Variants in CNTN5 observed in about 807,000 individuals in gnomAD.
The protein encoded by CNTN5 is contactin 5, also known as contactin-5.
Under a neutral mutation model 129.1 loss-of-function variants are expected in CNTN5, and 77 were observed. The ratio of observed to expected loss-of-function variants is 0.60; its 90% CI spans 0.50 to 0.72. CNTN5 has a LOEUF of 0.72. CNTN5 is among the 30% of genes least tolerant of loss of function. CNTN5 has a pLI of 0.00. For synonymous variants in CNTN5, 509 were observed against 465.6 expected (o/e 1.09, Z -1.20); for missense variants, 1,478 against 1,328.8 (o/e 1.11, Z -1.75).
In CNTN5 at chr11:99,819,724, C is replaced by T. The variant is rs1432462696; in HGVS notation, c.236C>T (p.Pro79Leu). ...GGGGCAGCTCAGAATTATTATTCCCCCATCAATCTTTATCATTCCTCAGAT... is the reference window on the plus strand; with the variant it reads ...GGGGCAGCTCAGAATTATTATTCCCTCATCAATCTTTATCATTCCTCAGAT... ...WLGAAQNYYS[P>L]INLYHSSDAF... is the part of the protein sequence containing the mutation. Residue 79 changes from proline (P) to leucine (L), a missense_variant, in exon 4 of 25, where the codon CCC becomes CTC. Physicochemically the swap from Pro to Leu is moderately conservative, Grantham distance 98. Transcript: ENST00000524871. 1.2e-6 allele frequency: 2 copies of T among 1,610,684 alleles called. No homozygotes were observed. The highest frequency in any genetic ancestry group is 1.7e-5 in the Admixed American group (1 of 59,342).
intron 13 of CNTN5, among the ~76,000 whole-genome samples, chr11:100,087,648 C>T (rs1223015976): frequency 6.6e-6 from 1 of 151,938 alleles, no homozygotes; most frequent in Non-Finnish European, 1.5e-5. Context: ...TACTTCTAGA[C>T]CTGCAAAAAG....
chr11:100,191,073 T>G, intron 13 of CNTN5, 53 bp from the exon 14 acceptor site: 1 of 1,297,946 alleles, frequency 7.7e-7, no homozygotes, highest in Non-Finnish European at 1.1e-6. Context: ...GTTCTTACTA[T>G]TTAGCTGATT....
intron 2 of CNTN5, among the ~76,000 whole-genome samples, chr11:99,339,238 T>C (rs1011629922): frequency 1.3e-5 from 2 of 152,056 alleles, no homozygotes; most frequent in Non-Finnish European, 2.9e-5. Flanking sequence ...CTTTCTAGTA[T>C]GAAAATAAAG....
At chr11:99,909,085 T>G (rs1371648641) in intron 6 of CNTN5, among the ~76,000 whole-genome samples, 1 of 152,118 alleles carries the variant, frequency 6.6e-6, no homozygotes, top group East Asian at 1.9e-4. Flanking sequence ...TATCTTCATA[T>G]AATGGATGTT....
At chr11:99,630,867 A>G (rs1951322191) in intron 3 of CNTN5, among the ~76,000 whole-genome samples, 1 of 152,110 alleles carries the variant, frequency 6.6e-6, no homozygotes, top group African/African-American at 2.4e-5. Flanking sequence ...TTGGAGATAA[A>G]TTAGCTTTAT....
chr11:99,827,942 G>T (rs1024591485), intron 4 of CNTN5, among the ~76,000 whole-genome samples: 3 of 152,130 alleles, frequency 2.0e-5, no homozygotes, highest in Non-Finnish European at 4.4e-5. Context: ...AAACAGAGAT[G>T]TACTTTTTAC....
intron 3 of CNTN5, among the ~76,000 whole-genome samples, chr11:99,721,163 A>G (rs963061428): frequency 2.6e-5 from 4 of 152,202 alleles, no homozygotes; most frequent in African/African-American, 4.8e-5. Context: ...GGAACCAAAA[A>G]GAGCCCGAGT....
chr11:99,324,933 A>G (rs1865720403), intron 1 of CNTN5, among the ~76,000 whole-genome samples: 1 of 152,102 alleles, frequency 6.6e-6, no homozygotes, highest in African/African-American at 2.4e-5. Context: ...GAGCCACTGC[A>G]CCCAGCTGTA....
intron 1 of CNTN5, among the ~76,000 whole-genome samples, chr11:99,220,445 A>G (rs760367527): frequency 6.6e-6 from 1 of 151,924 alleles, no homozygotes; most frequent in Non-Finnish European, 1.5e-5. Context: ...TAGGAAAACA[A>G]TTTTATATTT....
At chr11:99,858,784 A>T (rs1273423854) in intron 6 of CNTN5, among the ~76,000 whole-genome samples, 1 of 151,910 alleles carries the variant, frequency 6.6e-6, no homozygotes, top group Non-Finnish European at 1.5e-5. Context: ...ATAAAATATT[A>T]TTACCAACTT....
chr11:99,699,763 A>G (rs930845213), intron 3 of CNTN5, among the ~76,000 whole-genome samples: 2 of 151,388 alleles, frequency 1.3e-5, no homozygotes, highest in South Asian at 4.1e-4. Context: ...CTAACCCCAT[A>G]AAGAGCTCAT....
At chr11:99,593,869 A>G (rs1950049466) in intron 3 of CNTN5, among the ~76,000 whole-genome samples, 1 of 152,182 alleles carries the variant, frequency 6.6e-6, no homozygotes, top group African/African-American at 2.4e-5. Flanking sequence ...TCTTATTCCC[A>G]GTGTAATGCC....
chr11:99,200,483 T>C (rs756965024), intron 1 of CNTN5, among the ~76,000 whole-genome samples: 1 of 152,222 alleles, frequency 6.6e-6, no homozygotes, highest in Non-Finnish European at 1.5e-5. Context: ...ACCAGTTCAT[T>C]TTTGTACATA....
rs76209411 is a variant in CNTN5 at position 99,699,467 on chromosome 11, A to G, written c.56-120077A>G. On this transcript the variant is annotated intron_variant, in intron 3 of 24. Coordinates refer to ENST00000524871, the MANE Select transcript of CNTN5 (RefSeq NM_014361.4). Reference sequence around the variant, plus strand: ...ATATTATGCATTGAGGTATCATGTAAGACTTCCAGATTTTATTATGGATGA... The same window carrying G: ...ATATTATGCATTGAGGTATCATGTAGGACTTCCAGATTTTATTATGGATGA... Among the ~76,000 whole-genome samples, 486 of 151,606 alleles carry G rather than the reference A, an allele frequency of 3.2e-3. 1 individual carries two copies. The highest frequency in any genetic ancestry group is 0.011 in the African/African-American group (475 of 41,502).
chr11:99,671,948 G>A (rs947230917), intron 3 of CNTN5, among the ~76,000 whole-genome samples: 4 of 151,982 alleles, frequency 2.6e-5, no homozygotes, highest in Non-Finnish European at 4.4e-5. Flanking sequence ...ACTTTCAATC[G>A]TTGCAGGTGT....
chr11:100,292,637 C>T (rs1200796235), intron 18 of CNTN5, among the ~76,000 whole-genome samples: 2 of 151,900 alleles, frequency 1.3e-5, no homozygotes. Context: ...ATAATATCCC[C>T]ACTTCTCTAT....
At chr11:100,285,527 A>C (rs553990212) in intron 18 of CNTN5, among the ~76,000 whole-genome samples, 7 of 152,290 alleles carry the variant, frequency 4.6e-5, no homozygotes, top group Admixed American at 1.3e-4. Context: ...CTATTTCTCA[A>C]TATGTAGCCA....
At chr11:99,201,383 T>TTCC (rs1859192868) in intron 1 of CNTN5, among the ~76,000 whole-genome samples, 1 of 26,050 alleles carries the variant, frequency 3.8e-5, no homozygotes, top group Non-Finnish European at 7.2e-5. Context: ...TCCTTCCTTC[T>TTCC]TTCCTTCCTT....
chr11:99,981,264 C>G (rs1385387242), intron 8 of CNTN5, among the ~76,000 whole-genome samples: 1 of 151,914 alleles, frequency 6.6e-6, no homozygotes, highest in Non-Finnish European at 1.5e-5. Flanking sequence ...ACCCAGGAAG[C>G]TGATGGTGTA....
Sources: allele counts gnomAD v4.1 joint callset (sites outside exome capture counted in the v4.1 genomes callset), GRCh38; gene constraint gnomAD v4.1.1; transcripts MANE v1.5; gene names NCBI Gene and HGNC (gene_info 2026-07-23, HGNC 2026-07-21).